Variants in EPB41L5 observed in about 807,000 individuals in gnomAD.
The protein encoded by EPB41L5 is erythrocyte membrane protein band 4.1 like 5.
A neutral mutation model predicts 106.6 loss-of-function variants in EPB41L5; 55 were observed. The ratio of observed to expected loss-of-function variants is 0.52; its 90% CI spans 0.42 to 0.65. The LOEUF (loss-of-function observed/expected upper bound fraction) is 0.65. EPB41L5 is among the 30% of genes least tolerant of loss of function. The pLI is 0.00. For synonymous variants in EPB41L5, 297 were observed against 306.7 expected, an observed-to-expected ratio of 0.97 and a Z score of 0.33; for missense variants, 871 against 882.1, an observed-to-expected ratio of 0.99 and a Z score of 0.16.
At chr2:120,170,450 T>C (rs1687625938) in intron 24 of EPB41L5, among the ~76,000 whole-genome samples, 1 of 152,220 alleles carries the variant, frequency 6.6e-6, no homozygotes, top group Admixed American at 6.5e-5. Flanking sequence ...CTTGGCAGGA[T>C]TCAGGATCTG....
At chr2:120,123,938 G>A (rs556523513) in intron 16 of EPB41L5, among the ~76,000 whole-genome samples, 12 of 152,092 alleles carry the variant, frequency 7.9e-5, no homozygotes, top group Non-Finnish European at 1.5e-4. Flanking sequence ...GATTACAGGC[G>A]TGAGCCACTG....
chr2:120,116,675 C>G (rs572389277), intron 16 of EPB41L5, among the ~76,000 whole-genome samples: 1 of 152,100 alleles, frequency 6.6e-6, no homozygotes, highest in Non-Finnish European at 1.5e-5. Context: ...CATGCTACCA[C>G]ACCTGGCTAA....
intron 3 of EPB41L5, among the ~76,000 whole-genome samples, chr2:120,045,816 TC>T (rs1328850757): frequency 7.1e-6 from 1 of 140,242 alleles, no homozygotes; most frequent in East Asian, 2.4e-4. Context: ...CCCTCCCCCG[TC>T]CCCCCCTCAA....
At position 120,041,906 on chromosome 2, in the gene EPB41L5, C is replaced by T; in HGVS notation, c.181-100C>T. 3.9e-6 allele frequency: 3 copies of T among 763,712 alleles called. No individual in the cohort carries two copies. In the East Asian group the frequency reaches 7.9e-5, roughly 20 times the overall value. 47.3% of individuals were successfully genotyped at this position (763,712 alleles called of 1,614,324 possible). A position where few individuals can be genotyped will look rare whatever the true frequency, so the allele number is the denominator to read the frequency against. On this transcript the variant is annotated intron_variant, in intron 2 of 24. Coordinates refer to ENST00000263713, the MANE Select transcript of EPB41L5 (RefSeq NM_020909.4). ...TAATACTTTTGGTATTGCAAGTCCT[C>T]CTTTCTTCAAGAGATCTTGTATAAC... is the stretch of plus-strand genomic sequence containing the variant.
At position 120,178,705 on chromosome 2, in the gene EPB41L5, GGTTGT is replaced by G. The variant is rs552916034; in HGVS notation, c.*3802_*3806del. On this transcript the variant is annotated 3_prime_UTR_variant, in exon 25 of 25. Transcript: ENST00000263713. ...TAGAAATTTGCCCTGAGCTGAACTG[GGTTGT>G]GTTAACACATTGGTAGAGCTATGAT... The G allele has an allele frequency of 1.9e-4, 29 of 152,310 alleles. No homozygotes were observed. In the South Asian group the frequency reaches 2.7e-3, roughly 14 times the overall value. The allele number at this position is 152,310 out of a possible 1,614,324, so 9.4% of individuals were successfully genotyped here.
chr2:120,056,729 A>G (rs1401478124), intron 3 of EPB41L5, among the ~76,000 whole-genome samples: 1 of 151,324 alleles, frequency 6.6e-6, no homozygotes, highest in Non-Finnish European at 1.5e-5. Flanking sequence ...AGGTGGGAAA[A>G]CCATCCCCCC....
intron 3 of EPB41L5, among the ~76,000 whole-genome samples, chr2:120,048,872 TTC>T (rs1054694818): frequency 6.6e-6 from 1 of 152,218 alleles, no homozygotes; most frequent in African/African-American, 2.4e-5. Context: ...TGTGTCTTTG[TTC>T]TCATTGATTT....
intron 16 of EPB41L5, among the ~76,000 whole-genome samples, chr2:120,121,334 C>T (rs911849802): frequency 4.6e-5 from 7 of 152,116 alleles, no homozygotes; most frequent in African/African-American, 1.7e-4. Context: ...GGTATTTCTC[C>T]TAATGCTATC....
intron 16 of EPB41L5, chr2:120,105,588 G>T (rs1684401609): frequency 1.0e-6 from 1 of 985,302 alleles, no homozygotes; most frequent in Non-Finnish European, 1.2e-6. Flanking sequence ...TTGTAGGCAG[G>T]TTTCAATCTG....
intron 16 of EPB41L5, among the ~76,000 whole-genome samples, chr2:120,107,918 T>G (rs1161434730): frequency 6.6e-6 from 1 of 152,210 alleles, no homozygotes; most frequent in Non-Finnish European, 1.5e-5. Context: ...TTTAGTTGCT[T>G]TGAGCACTTT....
At chr2:120,115,578 G>A (rs1185601848) in intron 16 of EPB41L5, among the ~76,000 whole-genome samples, 2 of 151,718 alleles carry the variant, frequency 1.3e-5, no homozygotes, top group African/African-American at 4.9e-5. Flanking sequence ...TTTTAGTAGA[G>A]ACGGGGTTTC....
intron 2 of EPB41L5, among the ~76,000 whole-genome samples, chr2:120,024,332 A>T (rs1678158575): frequency 1.3e-5 from 2 of 152,170 alleles, no homozygotes; most frequent in Admixed American, 6.5e-5. Context: ...AAAAGCTCTT[A>T]AATTATTTTA....
chr2:120,151,878 A>G (rs1686697063), intron 20 of EPB41L5, among the ~76,000 whole-genome samples: 1 of 152,088 alleles, frequency 6.6e-6, no homozygotes, highest in Non-Finnish European at 1.5e-5. Flanking sequence ...CGGCCTCCCA[A>G]AGTGCTGAGA....
chr2:120,061,207 AT>A (rs1392957897), intron 3 of EPB41L5, among the ~76,000 whole-genome samples: 3 of 145,714 alleles, frequency 2.1e-5, no homozygotes, highest in Non-Finnish European at 3.0e-5. Context: ...TGCCTGGCTA[AT>A]TTTTTGTATT....
At chr2:120,068,040 G>A (rs1319469087) in intron 3 of EPB41L5, among the ~76,000 whole-genome samples, 1 of 152,184 alleles carries the variant, frequency 6.6e-6, no homozygotes, top group Non-Finnish European at 1.5e-5. Context: ...TGAGATCAAC[G>A]TGGAAGGCGG....
chr2:120,151,823 G>A (rs1394442841), intron 20 of EPB41L5, among the ~76,000 whole-genome samples: 1 of 148,504 alleles, frequency 6.7e-6, no homozygotes, highest in Non-Finnish European at 1.5e-5. Context: ...TACCATGTTG[G>A]CCAGGCTAAT....
At chr2:120,027,524 A>G (rs1453801356) in intron 2 of EPB41L5, among the ~76,000 whole-genome samples, 1 of 152,214 alleles carries the variant, frequency 6.6e-6, no homozygotes, top group African/African-American at 2.4e-5. Flanking sequence ...GGGCAGCCTG[A>G]GTGAGTGGGA....
At chr2:120,105,485 A>T (rs1030581402) in intron 16 of EPB41L5, 498 of 985,288 alleles carry the variant, frequency 5.1e-4, no homozygotes, top group Non-Finnish European at 5.9e-4. Flanking sequence ...AGGGCTTAAT[A>T]CTGGACTATT....
chr2:120,028,652 C>A (rs912747732), intron 2 of EPB41L5, among the ~76,000 whole-genome samples: 1 of 152,142 alleles, frequency 6.6e-6, no homozygotes, highest in African/African-American at 2.4e-5. Context: ...TGCAGACTTA[C>A]AGTGACAGTG....
Sources: allele counts gnomAD v4.1 joint callset (sites outside exome capture counted in the v4.1 genomes callset), GRCh38; gene constraint gnomAD v4.1.1; transcripts MANE v1.5; gene names NCBI Gene and HGNC (gene_info 2026-07-23, HGNC 2026-07-21).